Variants in LDHB observed in about 807,000 individuals in gnomAD.
The protein encoded by LDHB is lactate dehydrogenase B, also known as L-lactate dehydrogenase B chain.
Under a neutral mutation model 33.4 loss-of-function variants are expected in LDHB, and 18 were observed. That is an observed-to-expected ratio of 0.54 (90% CI 0.37 to 0.80). The LOEUF (loss-of-function observed/expected upper bound fraction) is 0.80. Among genes scored for constraint, LDHB ranks in the 30% least tolerant of loss-of-function variants. The pLI is 0.00. For missense variants in LDHB, 345 were observed against 407.9 expected (o/e 0.85, Z 1.33); for synonymous variants, 121 against 140.6 (o/e 0.86, Z 0.98).
Position 21,644,057 on chromosome 12 carries a change from C to T in LDHB, c.299G>A (p.Arg100His), listed in dbSNP as rs777019739. ...GAGCCGACTCTCCCCTTCTTGCTGA[C>T]GGACTCCTGCAGTTACCACTACAAT... Reference protein sequence around the residue: ...SKIVVVTAGVRQQEGESRLNL... With the variant: ...SKIVVVTAGVHQQEGESRLNL... Residue 100 changes from arginine to histidine, a missense_variant, in exon 4 of 8, where the codon CGT becomes CAT. Physicochemically the swap from Arg to His is conservative, Grantham distance 29. Coordinates refer to ENST00000350669, the MANE Select transcript of LDHB (RefSeq NM_002300.8). 9.3e-6 allele frequency: 15 copies of T among 1,613,234 alleles called. No homozygotes were observed. The highest frequency in any genetic ancestry group is 8.8e-5 in the South Asian group (8 of 91,062).
intron 2 of LDHB, among the ~76,000 whole-genome samples, chr12:21,649,826 T>A (rs980469004): frequency 6.6e-6 from 1 of 152,082 alleles, no homozygotes; most frequent in African/African-American, 2.4e-5. Flanking sequence ...GGGTGGTGGC[T>A]CATGCGTGTA....
chr12:21,643,335 AT>A (rs950874858), intron 4 of LDHB, among the ~76,000 whole-genome samples: 1 of 152,240 alleles, frequency 6.6e-6, no homozygotes, highest in Non-Finnish European at 1.5e-5. Context: ...AATAGAGCAT[AT>A]TTTAGCTGTT....
Position 21,636,718 on chromosome 12 carries a change from CA to C in LDHB, c.837+352del, listed in dbSNP as rs150684460. Among the ~76,000 whole-genome samples the C allele has an allele frequency of 6.3e-3, 960 of 152,142 alleles. 14 individuals carry two copies. The highest frequency in any genetic ancestry group is 0.022 in the African/African-American group (912 of 41,522). On this transcript the variant is annotated intron_variant, in intron 7 of 7. Coordinates refer to ENST00000350669, the MANE Select transcript of LDHB (RefSeq NM_002300.8). ...AATTAAACTGTATTTGCTAAGGTATCAAGTGCTATATGAAAGGCAATCTAGA... is the reference window on the plus strand; with the variant it reads ...AATTAAACTGTATTTGCTAAGGTATCAGTGCTATATGAAAGGCAATCTAGA...
At chr12:21,643,827 C>T (rs1324964953) in intron 4 of LDHB, 108 bp downstream of exon 4, 1 of 870,706 alleles carries the variant, frequency 1.1e-6, no homozygotes, top group African/African-American at 1.7e-5. Flanking sequence ...GACATGTAAA[C>T]TGCTTCTGTA....
intron 5 of LDHB, among the ~76,000 whole-genome samples, chr12:21,639,542 T>C (rs994518172): frequency 3.3e-5 from 5 of 152,038 alleles, no homozygotes; most frequent in East Asian, 3.8e-4. Context: ...ATATCACTTC[T>C]ATCACCTAGC....
chr12:21,640,837 T>TA lies in LDHB; in HGVS notation c.595+1114dup, dbSNP rs995556997. On this transcript the variant is annotated intron_variant, in intron 5 of 7. Coordinates refer to ENST00000350669, the MANE Select transcript of LDHB (RefSeq NM_002300.8). Reference sequence around the variant, plus strand: ...AGTGCTCAAAAATGATGGGACATGTTAAAAAAAAAAAGACGTAAGAGTCAG... The same window carrying TA: ...AGTGCTCAAAAATGATGGGACATGTTAAAAAAAAAAAAGACGTAAGAGTCAG... Among the ~76,000 whole-genome samples the TA allele has an allele frequency of 9.6e-3, 1,408 of 146,198 alleles. 19 individuals carry two copies. Among genetic ancestry groups the TA allele is most frequent in the African/African-American group, 0.032 (1,295 of 39,916 alleles).
intron 2 of LDHB, among the ~76,000 whole-genome samples, chr12:21,651,003 G>A (rs1475370481): frequency 6.6e-6 from 1 of 152,274 alleles, no homozygotes; most frequent in Non-Finnish European, 1.5e-5. Flanking sequence ...TGCATTTGCA[G>A]TAAGATCTGA....
At position 21,635,483 on chromosome 12, in the gene LDHB, T is replaced by C; in HGVS notation, c.*59A>G. 1.4e-6 allele frequency: 2 copies of C among 1,396,812 alleles called. No homozygotes were observed. The highest frequency in any genetic ancestry group is 2.3e-5 in the East Asian group (1 of 43,862). 86.5% of individuals were successfully genotyped at this position (1,396,812 alleles called of 1,614,324 possible). A position where few individuals can be genotyped will look rare whatever the true frequency, so the allele number is the denominator to read the frequency against. ...GTGATCCATGTACATGGATGAAAAC[T>C]AAAGGCTCGAGTTAATCACATTGTA... On this transcript the variant is annotated 3_prime_UTR_variant, in exon 8 of 8. Coordinates refer to ENST00000350669, the MANE Select transcript of LDHB (RefSeq NM_002300.8).
intron 2 of LDHB, among the ~76,000 whole-genome samples, chr12:21,648,442 A>C (rs1938590424): frequency 6.6e-6 from 1 of 152,040 alleles, no homozygotes; most frequent in South Asian, 2.1e-4. Flanking sequence ...TGAAAAAAAA[A>C]ATCTGCCTGT....
chr12:21,655,871 T>C (rs1318085965), intron 1 of LDHB, among the ~76,000 whole-genome samples: 1 of 152,208 alleles, frequency 6.6e-6, no homozygotes, highest in Non-Finnish European at 1.5e-5. Flanking sequence ...TAAACATCAA[T>C]TCCATGGCAA....
chr12:21,642,359 C>T (rs759932), intron 4 of LDHB, among the ~76,000 whole-genome samples: 143,919 of 152,260 alleles, frequency 0.95, 68,515 homozygotes, highest in East Asian at 1. Flanking sequence ...AAATGCAATA[C>T]TGTGCTTTTA....
At chr12:21,651,631 T>C (rs1478229917) in intron 2 of LDHB, among the ~76,000 whole-genome samples, 1 of 152,204 alleles carries the variant, frequency 6.6e-6, no homozygotes, top group Non-Finnish European at 1.5e-5. Flanking sequence ...CCATATGATA[T>C]AGATGACAAT....
At chr12:21,654,450 T>C in intron 2 of LDHB, 93 bp downstream of exon 2, 4 of 1,237,812 alleles carry the variant, frequency 3.2e-6, no homozygotes, top group Non-Finnish European at 4.7e-6. Context: ...AAAAAAGAAA[T>C]CTTTTAAAGA....
rs1395869102 is a variant in LDHB at position 21,647,769 on chromosome 12, C to G, written c.130-753G>C. On this transcript the variant is annotated intron_variant, in intron 2 of 7. Transcript: ENST00000350669. ...AATCTCGGCTCACTGCAGCCTCCGC[C>G]CACTGCAATCTCCACCTCCCGGGTT... Among the ~76,000 whole-genome samples the G allele has an allele frequency of 3.0e-5, 3 of 100,756 alleles. No homozygotes were observed. The Admixed American group carries it at 3.7e-4, about 12-fold the overall frequency. 66.1% of individuals were successfully genotyped at this position (100,756 alleles called of 152,430 possible). A position where few individuals can be genotyped will look rare whatever the true frequency, so the allele number is the denominator to read the frequency against.
At chr12:21,654,405 G>A in intron 2 of LDHB, 138 bp downstream of exon 2, 1 of 748,492 alleles carries the variant, frequency 1.3e-6, no homozygotes, top group Non-Finnish European at 2.3e-6. Flanking sequence ...TGAAAGTGAA[G>A]TGGGATTACA....
rs1565625108 is a variant in LDHB at position 21,638,374 on chromosome 12, A to G, written c.692T>C (p.Val231Ala). 6.2e-7 allele frequency: 1 copy of G among 1,600,406 alleles called. No individual in the cohort carries two copies. The highest frequency in any genetic ancestry group is 8.6e-7 in the Non-Finnish European group (1 of 1,167,936). The change falls in exon 6 of 8, where the codon GTG becomes GCG. Residue 231 changes from valine to alanine, a missense_variant. By Grantham distance (64) the Val-to-Ala change is moderately conservative. Transcript: ENST00000350669. Reference protein sequence around the residue: ...TDNDSENWKEVHKMVVESAYE... With the variant: ...TDNDSENWKEAHKMVVESAYE... ...TTACCTTTCAACCACCATCTTATGC[A>G]CTTCCTTCCAATTTTCACTATCATT... is the stretch of plus-strand genomic sequence containing the variant.
At chr12:21,656,747 A>T (rs1938856317) in intron 1 of LDHB, among the ~76,000 whole-genome samples, 1 of 152,204 alleles carries the variant, frequency 6.6e-6, no homozygotes, top group Admixed American at 6.5e-5. Context: ...TGCATGATAT[A>T]CAGGCCTGTG....
chr12:21,640,241 C>T (rs1378684921), intron 5 of LDHB, among the ~76,000 whole-genome samples: 1 of 151,216 alleles, frequency 6.6e-6, no homozygotes, highest in African/African-American at 2.4e-5. Context: ...TGTTCAAAAA[C>T]AGTTTTACAT....
intron 4 of LDHB, 134 bp downstream of exon 4, chr12:21,643,801 A>T: frequency 1.4e-6 from 1 of 717,206 alleles, no homozygotes; most frequent in South Asian, 1.6e-5. Flanking sequence ...ACCACTATTT[A>T]GGGCCAATGA....
Sources: gnomAD v4.1 joint callset for allele counts (sites outside exome capture counted in the v4.1 genomes callset) on GRCh38, gnomAD v4.1.1 for gene constraint, MANE v1.5 for transcripts, NCBI Gene and HGNC (gene_info 2026-07-23, HGNC 2026-07-21) for gene names.